The following FGD4 variants were observed in gnomAD, a reference collection of about 807,000 sequenced individuals.
FGD4 encodes the protein FYVE, RhoGEF and PH domain-containing protein 4.
FGD4 carries 42 observed loss-of-function variants against 102.0 expected under a neutral mutation model. That is an observed-to-expected ratio of 0.41 (90% CI 0.32 to 0.53). The LOEUF is 0.53. FGD4 is among the 20% of genes least tolerant of loss of function. The probability of loss-of-function intolerance (pLI) is 0.21; values close to 1 mark genes in which losing one functional copy is unlikely to be tolerated. For missense variants in FGD4, 902 were observed against 1,078.2 expected, an observed-to-expected ratio of 0.84 and a Z score of 2.29; for synonymous variants, 380 against 375.7, an observed-to-expected ratio of 1.01 and a Z score of -0.13.
At chr12:32,474,561 G>A (rs1381155136) in intron 1 of FGD4, among the ~76,000 whole-genome samples, 1 of 152,176 alleles carries the variant, frequency 6.6e-6, no homozygotes, top group African/African-American at 2.4e-5. Context: ...AGAAAGATTA[G>A]CGTTGCTTAG....
Position 32,506,184 on chromosome 12 carries a change from T to C in FGD4, c.167-57953T>C, listed in dbSNP as rs1938714618. ...GTTGTCTTTAAGAGGAGCACAACAT[T>C]GGGGTGTTACCCTAAAATCCCACAG... On this transcript the variant is annotated intron_variant, in intron 1 of 16. Transcript: ENST00000534526. The surrounding 1 kb of genome is among the most constrained non-coding windows in gnomAD (Gnocchi z 4.5). Among the ~76,000 whole-genome samples, 1 of 152,212 alleles carries C rather than the reference T, an allele frequency of 6.6e-6. No homozygotes were observed. The highest frequency in any genetic ancestry group is 1.5e-5 in the Non-Finnish European group (1 of 68,040).
intron 1 of FGD4, among the ~76,000 whole-genome samples, chr12:32,425,997 T>C (rs1028493698): frequency 5.9e-5 from 9 of 152,216 alleles, no homozygotes; most frequent in South Asian, 2.1e-4. Flanking sequence ...TATACAATCA[T>C]GTCATGTGCA....
chr12:32,480,707 G>A (rs1258700490), intron 1 of FGD4, among the ~76,000 whole-genome samples: 29 of 151,154 alleles, frequency 1.9e-4, no homozygotes, highest in African/African-American at 5.8e-4. Context: ...CACCATGTTG[G>A]CCAGGATGCT....
intron 1 of FGD4, among the ~76,000 whole-genome samples, chr12:32,439,385 A>T (rs1367668314): frequency 6.6e-6 from 1 of 152,180 alleles, no homozygotes; most frequent in Non-Finnish European, 1.5e-5. Flanking sequence ...TTGATTCCAT[A>T]TCTTGGCTAT....
chr12:32,579,373 A>G (rs1297862150), intron 3 of FGD4, among the ~76,000 whole-genome samples: 2 of 152,106 alleles, frequency 1.3e-5, no homozygotes, highest in Non-Finnish European at 2.9e-5. Flanking sequence ...TGGACACTCC[A>G]AGGTCAACTG....
intron 1 of FGD4, among the ~76,000 whole-genome samples, chr12:32,552,295 T>C (rs1434684106): frequency 3.3e-5 from 5 of 152,358 alleles, no homozygotes; most frequent in Admixed American, 1.3e-4. Flanking sequence ...AGTCTCACAC[T>C]GTCGCCCAGG....
At chr12:32,504,230 A>C (rs1938485659) in intron 1 of FGD4, among the ~76,000 whole-genome samples, 1 of 152,206 alleles carries the variant, frequency 6.6e-6, no homozygotes, top group Non-Finnish European at 1.5e-5. Context: ...ACCACTAACA[A>C]GAAACTTAGT....
intron 1 of FGD4, among the ~76,000 whole-genome samples, chr12:32,526,853 C>T (rs535772622): frequency 2.3e-4 from 35 of 152,256 alleles, no homozygotes; most frequent in African/African-American, 7.9e-4. Context: ...CGCAAGGGTC[C>T]GTGGCTTCAT....
At chr12:32,418,826 G>A (rs908666960) in intron 1 of FGD4, among the ~76,000 whole-genome samples, 2 of 152,268 alleles carry the variant, frequency 1.3e-5, no homozygotes, top group Admixed American at 6.5e-5. Flanking sequence ...GCCCCAGATT[G>A]GTTCATAGAT....
At chr12:32,467,431 T>G (rs1943288832) in intron 1 of FGD4, among the ~76,000 whole-genome samples, 2 of 152,164 alleles carry the variant, frequency 1.3e-5, no homozygotes, top group South Asian at 4.1e-4. Flanking sequence ...AAGAATTCCT[T>G]GTGGTGGTAT....
At chr12:32,445,596 G>C (rs1942586499) in intron 1 of FGD4, among the ~76,000 whole-genome samples, 1 of 152,148 alleles carries the variant, frequency 6.6e-6, no homozygotes, top group Non-Finnish European at 1.5e-5. Flanking sequence ...TTTCATCAAT[G>C]GGCCTCTGTG....
At position 32,638,770 on chromosome 12, in the gene FGD4, T is replaced by C. The variant is rs776258252; in HGVS notation, c.2429T>C (p.Val810Ala). 1.9e-6 allele frequency: 3 copies of C among 1,614,070 alleles called. No individual in the cohort carries two copies. In the African/African-American group the frequency reaches 4.0e-5, roughly 22 times the overall value. The part of the protein sequence containing the change: ...WCVIPKQDPL[V>A]LYMYGAPQDV... Reference sequence around the variant, plus strand: ...GTGATCCCCAAGCAAGACCCTCTTGTGCTGTACATGTATGGTGCCCCCCAG... The same window carrying C: ...GTGATCCCCAAGCAAGACCCTCTTGCGCTGTACATGTATGGTGCCCCCCAG... Residue 810 changes from valine to alanine, a missense_variant, in exon 16 of 17, where the codon GTG (valine) becomes GCG (alanine). Physicochemically the swap from Val to Ala is moderately conservative, Grantham distance 64. Around this residue, in one of 2 missense-constraint regions of FGD4, gnomAD observed 459 missense variants for 619.0 expected, o/e 0.74. Coordinates refer to ENST00000534526, the MANE Select transcript of FGD4 (RefSeq NM_001370298.3).
chr12:32,588,292 T>C (rs929778868), intron 4 of FGD4, among the ~76,000 whole-genome samples: 4 of 152,204 alleles, frequency 2.6e-5, no homozygotes, highest in Non-Finnish European at 4.4e-5. Context: ...ACATAGGCTA[T>C]GGGCAAGGCA....
chr12:32,472,381 C>T (rs878888652), intron 1 of FGD4, among the ~76,000 whole-genome samples: 2 of 151,332 alleles, frequency 1.3e-5, no homozygotes, highest in Non-Finnish European at 2.9e-5. Flanking sequence ...GCCCCGCACT[C>T]GGAGCAGCCA....
chr12:32,627,595 C>T (rs1261141194), intron 14 of FGD4, among the ~76,000 whole-genome samples: 2 of 152,000 alleles, frequency 1.3e-5, no homozygotes, highest in African/African-American at 2.4e-5. Context: ...GAAAAGTGAG[C>T]CTAGTAGAGA....
rs977386181 is a variant in FGD4, at chr12:32,491,597, A to G, written c.167-72540A>G. ...TCAGAAAATGTATATTCCTGCTGATATGGGAAAGGTTTCATTTCTTATGTT... is the reference window on the plus strand; with the variant it reads ...TCAGAAAATGTATATTCCTGCTGATGTGGGAAAGGTTTCATTTCTTATGTT... On this transcript the variant is annotated intron_variant, in intron 1 of 16. Coordinates refer to ENST00000534526, the MANE Select transcript of FGD4 (RefSeq NM_001370298.3). 7.9e-5 allele frequency among the ~76,000 whole-genome samples: 12 copies of G among 152,250 alleles called. No individual in the cohort carries two copies. In the East Asian group the frequency reaches 1.2e-3, roughly 15 times the overall value.
intron 1 of FGD4, among the ~76,000 whole-genome samples, chr12:32,541,767 T>C (rs111391523): frequency 6.0e-4 from 92 of 152,322 alleles, no homozygotes; most frequent in African/African-American, 2.0e-3. Context: ...GTTACATGTT[T>C]TTCTTAAAAT....
At chr12:32,435,572 C>T (rs973135306) in intron 1 of FGD4, among the ~76,000 whole-genome samples, 4 of 150,676 alleles carry the variant, frequency 2.7e-5, no homozygotes, top group Non-Finnish European at 5.9e-5. Flanking sequence ...ATCATTCGAA[C>T]TTATTTTATT....
At chr12:32,423,345 A>G (rs1473128577) in intron 1 of FGD4, among the ~76,000 whole-genome samples, 2 of 152,052 alleles carry the variant, frequency 1.3e-5, no homozygotes, top group Non-Finnish European at 2.9e-5. Context: ...TAATCCCAGC[A>G]CTTTGGGAGG....
Sources: allele counts gnomAD v4.1 joint callset (sites outside exome capture counted in the v4.1 genomes callset), GRCh38; gene constraint gnomAD v4.1.1; regional missense constraint gnomAD v4.1.1; non-coding constraint Gnocchi (gnomAD v3.1); transcripts MANE v1.5; gene names NCBI Gene and HGNC (gene_info 2026-07-23, HGNC 2026-07-21).